Variants in GRIP2 observed in about 807,000 individuals in gnomAD.
GRIP2 encodes the protein glutamate receptor interacting protein 2.
A neutral mutation model predicts 108.3 loss-of-function variants in GRIP2; 58 were observed. The observed-to-expected ratio is 0.54, with a 90% CI of 0.43 to 0.67. GRIP2 has a LOEUF of 0.67. Ranked by LOEUF, GRIP2 falls within the 30% of genes least tolerant of loss-of-function variation. GRIP2 has a pLI of 0.00. For synonymous variants in GRIP2, 586 were observed against 598.2 expected (o/e 0.98, Z 0.30); for missense variants, 1,278 against 1,430.6 (o/e 0.89, Z 1.72).
chr3:14,512,808 C>T lies in GRIP2; in HGVS notation c.1689G>A (p.Lys563=), dbSNP rs1407312034. Residue 563 remains lysine, a synonymous_variant, in exon 14 of 24, where the codon AAG becomes AAA. Coordinates refer to ENST00000621039, the MANE Select transcript of GRIP2 (RefSeq NM_001080423.4). This position sits in a 1 kb window ranked among gnomAD's most constrained non-coding sequence, Gnocchi z 5.1. ...SGTFHVKLPK[K]RSVELGITIS... ...TGGTGATGCCCAGCTCCACGCTGCGCTTCTTGGGCAGCTTCACGTGGAAGG... is the reference window on the plus strand; with the variant it reads ...TGGTGATGCCCAGCTCCACGCTGCGTTTCTTGGGCAGCTTCACGTGGAAGG... 3 of 1,613,726 alleles carry T rather than the reference C, an allele frequency of 1.9e-6. No homozygotes were observed. The highest frequency in any genetic ancestry group is 2.2e-5 in the East Asian group (1 of 44,874).
At chr3:14,594,231 C>G in the GRIP2 span, among the ~76,000 whole-genome samples, 2 of 152,222 alleles carry the variant, frequency 1.3e-5, no homozygotes, top group African/African-American at 4.8e-5. Context: ...GTAGCAGGTA[C>G]AGCAAACAAT....
intron 17 of GRIP2, among the ~76,000 whole-genome samples, chr3:14,509,288 G>C (rs1039661128): frequency 6.6e-6 from 1 of 152,226 alleles, no homozygotes; most frequent in Non-Finnish European, 1.5e-5. Flanking sequence ...GCCCAGCTCG[G>C]GGGAGAAGGC....
chr3:14,499,894 C>T (rs774219440), intron 21 of GRIP2, among the ~76,000 whole-genome samples: 14 of 151,954 alleles, frequency 9.2e-5, no homozygotes, highest in African/African-American at 2.2e-4. Flanking sequence ...AAAAAAAAAT[C>T]GCAAACAAAA....
At chr3:14,530,569 G>C (rs1575021436) in intron 1 of GRIP2, among the ~76,000 whole-genome samples, 1 of 152,110 alleles carries the variant, frequency 6.6e-6, no homozygotes, top group Admixed American at 6.5e-5. Context: ...ATGAGAAAAA[G>C]TCTTATACCA....
At chr3:14,527,072 A>C (rs535425197) in intron 1 of GRIP2, among the ~76,000 whole-genome samples, 8 of 152,304 alleles carry the variant, frequency 5.3e-5, no homozygotes, top group Admixed American at 3.3e-4. Context: ...CTATAGTCCC[A>C]GCTACTCAGG....
the GRIP2 span, among the ~76,000 whole-genome samples, chr3:14,567,333 T>C: frequency 6.6e-6 from 1 of 152,294 alleles, no homozygotes; most frequent in Middle Eastern, 3.4e-3. Context: ...CTAAGCCCCC[T>C]GCCTCTGCAG....
chr3:14,543,969 T>G (rs1695019808), upstream of GRIP2, among the ~76,000 whole-genome samples: 1 of 152,212 alleles, frequency 6.6e-6, no homozygotes, highest in South Asian at 2.1e-4. Flanking sequence ...AGACCACGTA[T>G]TAATGAAACA....
chr3:14,512,875 TA>T lies in GRIP2; in HGVS notation c.1640-19del. On this transcript the variant is annotated intron_variant, in intron 13 of 23. Coordinates refer to ENST00000621039, the MANE Select transcript of GRIP2 (RefSeq NM_001080423.4). This position sits in a 1 kb window ranked among gnomAD's most constrained non-coding sequence, Gnocchi z 5.1. The stretch of plus-strand genomic sequence containing the variant: ...GACGGACTCTGGGGGTAGATGGACA[TA>T]AACCGACGTGAGGACCCAGAGGAGG... 1 of 1,612,402 alleles carries T rather than the reference TA, an allele frequency of 6.2e-7. No individual in the cohort carries two copies. The highest frequency in any genetic ancestry group is 1.1e-5 in the South Asian group (1 of 91,050).
In GRIP2 at chr3:14,513,714, G is replaced by A. The variant is rs769760332; in HGVS notation, c.1590C>T (p.Asp530=). ...TMEEANQLLR[D]AALAHKVVLE... ...GCACGACCTTGTGGGCCAGTGCGGC[G>A]TCCCGCAGGAGCTGGTTGGCTTCCT... The change falls in exon 13 of 24, where the codon GAC becomes GAT. Residue 530 remains aspartate (D), a synonymous_variant. Transcript: ENST00000621039. The A allele has an allele frequency of 8.2e-5, 132 of 1,610,496 alleles. No individual in the cohort carries two copies. The highest frequency in any genetic ancestry group is 6.0e-4 in the Admixed American group (36 of 59,582).
At position 14,520,397 on chromosome 3, in the gene GRIP2, C is replaced by T. The variant is rs777339817; in HGVS notation, c.853G>A (p.Val285Met). 5 of 1,611,724 alleles carry T rather than the reference C, an allele frequency of 3.1e-6. No individual in the cohort carries two copies. In the Admixed American group the frequency reaches 6.7e-5, roughly 22 times the overall value. ...ACCCAGGGTGTGCCTTACCTGTCCA[C>T]CACGCTGGCTGGCTTGATGCGGTCG... is the stretch of plus-strand genomic sequence containing the variant. Reference protein sequence around the residue: ...TIDRIKPASVVDRSGALHPGD... With the variant: ...TIDRIKPASVMDRSGALHPGD... The change falls in exon 8 of 24, where the codon GTG becomes ATG. Residue 285 changes from valine to methionine, a missense_variant. By Grantham distance (21) the Val-to-Met change is conservative. Transcript: ENST00000621039.
intron 21 of GRIP2, among the ~76,000 whole-genome samples, chr3:14,499,439 G>A (rs950778520): frequency 9.9e-5 from 15 of 152,134 alleles, no homozygotes; most frequent in African/African-American, 3.1e-4. Flanking sequence ...CTTGAGAACC[G>A]GCATGGTGGC....
chr3:14,594,031 C>T, the GRIP2 span, among the ~76,000 whole-genome samples: 69 of 152,334 alleles, frequency 4.5e-4, 1 homozygote, highest in African/African-American at 1.6e-3. Context: ...GTTGCTGCCT[C>T]CCTGTGACTC....
At chr3:14,574,440 C>T in the GRIP2 span, 1 of 712,604 alleles carries the variant, frequency 1.4e-6, no homozygotes, top group Non-Finnish European at 2.5e-6. Flanking sequence ...TTCCCGCTTC[C>T]GCCAGCCTCG....
intron 21 of GRIP2, among the ~76,000 whole-genome samples, chr3:14,500,063 G>T (rs547191038): frequency 2.0e-5 from 3 of 152,156 alleles, no homozygotes; most frequent in African/African-American, 7.2e-5. Flanking sequence ...AGACTATGAA[G>T]ATTAAAACAA....
chr3:14,505,908 T>C lies in GRIP2; in HGVS notation c.2399-119A>G. 2 of 897,784 alleles carry C rather than the reference T, an allele frequency of 2.2e-6. No homozygotes were observed. Among genetic ancestry groups the C allele is most frequent in the Non-Finnish European group, 3.2e-6 (2 of 617,120 alleles). 55.6% of individuals were successfully genotyped at this position (897,784 alleles called of 1,614,324 possible). A position where few individuals can be genotyped will look rare whatever the true frequency, so the allele number is the denominator to read the frequency against. ...GTCGTTGCTCCTCTCTGGGCCTGCA[T>C]CTACACAGCCCTCTGAGGGCCTCTG... On this transcript the variant is annotated intron_variant, in intron 19 of 23. Transcript: ENST00000621039. This position sits in a 1 kb window ranked among gnomAD's most constrained non-coding sequence, Gnocchi z 4.2.
chr3:14,582,002 A>T, the GRIP2 span, among the ~76,000 whole-genome samples: 1 of 152,190 alleles, frequency 6.6e-6, no homozygotes, highest in Non-Finnish European at 1.5e-5. Context: ...TGGGAAAAGG[A>T]ATCCAGCAGC....
chr3:14,573,277 G>A, the GRIP2 span: 28 of 1,408,044 alleles, frequency 2.0e-5, no homozygotes, highest in South Asian at 3.5e-5. Context: ...ACCTCTGCTC[G>A]GTACAGCAGG....
At position 14,511,503 on chromosome 3, in the gene GRIP2, C is replaced by T; in HGVS notation, c.1721-24G>A. 2 of 1,611,516 alleles carry T rather than the reference C, an allele frequency of 1.2e-6. No individual in the cohort carries two copies. The highest frequency in any genetic ancestry group is 1.7e-6 in the Non-Finnish European group (2 of 1,179,380). The stretch of plus-strand genomic sequence containing the variant: ...CGCTGGAGAAAAAGAGGCCATGAAT[C>T]TGACCTTGGTGGCCTCAGCCTGGGG... On this transcript the variant is annotated intron_variant, in intron 14 of 23. Transcript: ENST00000621039. The surrounding 1 kb of genome is among the most constrained non-coding windows in gnomAD (Gnocchi z 4.1).
chr3:14,549,651 C>T (rs539677053), intron 1 of GRIP2, among the ~76,000 whole-genome samples: 1 of 152,330 alleles, frequency 6.6e-6, no homozygotes, highest in South Asian at 2.1e-4. Flanking sequence ...GGAACATAAG[C>T]CTCTAATAAT....
Sources: gnomAD v4.1 joint callset for allele counts (sites outside exome capture counted in the v4.1 genomes callset) on GRCh38, gnomAD v4.1.1 for gene constraint, Gnocchi (gnomAD v3.1) non-coding constraint, MANE v1.5 for transcripts, NCBI Gene and HGNC (gene_info 2026-07-23, HGNC 2026-07-21) for gene names.